Variants in CACNG4 observed in about 807,000 individuals in gnomAD.
CACNG4 encodes the protein calcium voltage-gated channel auxiliary subunit gamma 4.
A neutral mutation model predicts 22.9 loss-of-function variants in CACNG4; 8 were observed. The observed-to-expected ratio is 0.35, with a 90% CI of 0.21 to 0.63. CACNG4 has a LOEUF of 0.63. Ranked by LOEUF, CACNG4 falls within the 30% of genes least tolerant of loss-of-function variation. The pLI is 0.72. For missense variants in CACNG4, 357 were observed against 455.4 expected (o/e 0.78, Z 1.97); for synonymous variants, 188 against 191.9 (o/e 0.98, Z 0.17).
At chr17:66,996,935 A>C (rs1281014869) in intron 1 of CACNG4, among the ~76,000 whole-genome samples, 1 of 152,142 alleles carries the variant, frequency 6.6e-6, no homozygotes, top group Non-Finnish European at 1.5e-5. Flanking sequence ...TAAGGGGACG[A>C]GGGCAGGACA....
intron 1 of CACNG4, among the ~76,000 whole-genome samples, chr17:67,006,782 G>C (rs577059826): frequency 6.6e-6 from 1 of 152,256 alleles, no homozygotes; most frequent in African/African-American, 2.4e-5. Context: ...AGAAAGAATG[G>C]GCAAAGGATT....
chr17:66,965,054 T>C lies in CACNG4; in HGVS notation c.143T>C (p.Met48Thr). 2 of 1,601,344 alleles carry C rather than the reference T, an allele frequency of 1.2e-6. No homozygotes were observed. Among genetic ancestry groups the C allele is most frequent in the Non-Finnish European group, 1.7e-6 (2 of 1,175,182 alleles). ...AHICNGTNLT[M>T]DDGPPPRRAR... Reference sequence around the variant, plus strand: ...ATCTGCAACGGCACCAACCTGACCATGGACGACGGGCCCCCGCCCCGCCGC... The same window carrying C: ...ATCTGCAACGGCACCAACCTGACCACGGACGACGGGCCCCCGCCCCGCCGC... Residue 48 changes from methionine to threonine, a missense_variant, in exon 1 of 4, where the codon ATG (methionine) becomes ACG (threonine). By Grantham distance (81) the Met-to-Thr change is moderately conservative. Around this residue, in one of 3 missense-constraint regions of CACNG4, gnomAD observed 114 missense variants for 161.6 expected, o/e 0.71. Transcript: ENST00000262138.
chr17:66,982,495 C>T (rs1446255484), intron 1 of CACNG4, among the ~76,000 whole-genome samples: 2 of 134,616 alleles, frequency 1.5e-5, no homozygotes, highest in African/African-American at 2.5e-5. Context: ...AGCTACAGGG[C>T]GTTGATTGGC....
At chr17:66,996,250 T>G (rs1243763366) in intron 1 of CACNG4, among the ~76,000 whole-genome samples, 1 of 134,340 alleles carries the variant, frequency 7.4e-6, no homozygotes, top group African/African-American at 3.8e-5. Flanking sequence ...GAAGGCAGAG[T>G]GGATTTTTTT....
intron 1 of CACNG4, among the ~76,000 whole-genome samples, chr17:67,003,969 G>A (rs906016104): frequency 6.6e-6 from 1 of 152,198 alleles, no homozygotes; most frequent in African/African-American, 2.4e-5. Flanking sequence ...TATCTACTAT[G>A]ATGCTCCCTC....
intron 1 of CACNG4, among the ~76,000 whole-genome samples, chr17:67,001,700 A>G (rs1786379269): frequency 1.3e-5 from 2 of 152,354 alleles, no homozygotes; most frequent in South Asian, 4.1e-4. Context: ...GGGTTCTACT[A>G]GACGACCAAG....
intron 1 of CACNG4, among the ~76,000 whole-genome samples, chr17:66,979,167 C>T (rs115975224): frequency 0.017 from 2,562 of 152,292 alleles, 37 homozygotes; most frequent in Middle Eastern, 0.058. Context: ...GCAACCCAAA[C>T]CCATTTTCCC....
intron 1 of CACNG4, among the ~76,000 whole-genome samples, chr17:67,003,660 C>T (rs913137208): frequency 3.3e-5 from 5 of 152,194 alleles, no homozygotes; most frequent in African/African-American, 1.2e-4. Context: ...TTGCCAGTAG[C>T]ACTTCGCCCT....
intron 1 of CACNG4, among the ~76,000 whole-genome samples, chr17:66,991,866 A>G (rs773573132): frequency 2.0e-4 from 30 of 151,920 alleles, no homozygotes; most frequent in Non-Finnish European, 4.0e-4. Flanking sequence ...CTGCAGGCCG[A>G]CCTCTCTTCA....
intron 3 of CACNG4, among the ~76,000 whole-genome samples, chr17:67,029,196 G>T (rs2035586055): frequency 6.6e-6 from 1 of 152,246 alleles, no homozygotes; most frequent in East Asian, 1.9e-4. Context: ...CCCAGGCATG[G>T]TGGTGCGTGC....
intron 3 of CACNG4, among the ~76,000 whole-genome samples, chr17:67,028,559 G>C (rs4790995): frequency 6.6e-6 from 1 of 151,060 alleles, no homozygotes; most frequent in South Asian, 2.1e-4. Flanking sequence ...TCTCAAAAAA[G>C]AAAAACAAAA....
At chr17:66,988,053 G>A (rs373958196) in intron 1 of CACNG4, among the ~76,000 whole-genome samples, 15 of 128,002 alleles carry the variant, frequency 1.2e-4, no homozygotes, top group Non-Finnish European at 1.4e-4. Flanking sequence ...GTGTGTGTGT[G>A]TATATATATA....
In CACNG4 at chr17:67,024,898, A is replaced by G. The variant is rs1212232030; in HGVS notation, c.343A>G (p.Thr115Ala). 1.2e-6 allele frequency: 2 copies of G among 1,600,360 alleles called. No homozygotes were observed. Among genetic ancestry groups the G allele is most frequent in the East Asian group, 4.6e-5 (2 of 43,796 alleles). Reference protein sequence around the residue: ...RASSVFPILSTILLLLGGLCI... With the variant: ...RASSVFPILSAILLLLGGLCI... The stretch of plus-strand genomic sequence containing the variant: ...CTCCAGCGTCTTCCCCATCCTCAGC[A>G]CCATCCTGCTCCTGCTGGGTGGCCT... Residue 115 changes from threonine (T) to alanine (A), a missense_variant, in exon 3 of 4, where the codon ACC becomes GCC. Around this residue, in one of 3 missense-constraint regions of CACNG4, gnomAD observed 3 missense variants for 16.3 expected, o/e 0.18. Transcript: ENST00000262138.
At chr17:66,997,361 G>A (rs2096912718) in intron 1 of CACNG4, among the ~76,000 whole-genome samples, 1 of 152,126 alleles carries the variant, frequency 6.6e-6, no homozygotes, top group African/African-American at 2.4e-5. Flanking sequence ...ACCCCCAGAG[G>A]GTGGGAGCAA....
At chr17:66,973,206 C>T (rs1407723054) in intron 1 of CACNG4, among the ~76,000 whole-genome samples, 1 of 151,312 alleles carries the variant, frequency 6.6e-6, no homozygotes, top group Non-Finnish European at 1.5e-5. Context: ...CGCCACTACA[C>T]CCCAGCCTGG....
intron 2 of CACNG4, among the ~76,000 whole-genome samples, chr17:67,023,634 C>T (rs2035545915): frequency 1.3e-5 from 2 of 148,668 alleles, no homozygotes; most frequent in African/African-American, 2.5e-5. Context: ...TGCAATGGCG[C>T]AATCTCAGCT....
chr17:67,028,722 G>A (rs2035583860), intron 3 of CACNG4, among the ~76,000 whole-genome samples: 1 of 152,200 alleles, frequency 6.6e-6, no homozygotes, highest in South Asian at 2.1e-4. Context: ...TTACAGATGA[G>A]ACTGACGCAT....
At chr17:66,976,970 C>T (rs1015153490) in intron 1 of CACNG4, among the ~76,000 whole-genome samples, 1 of 152,208 alleles carries the variant, frequency 6.6e-6, no homozygotes. Context: ...CAAGAGCCTG[C>T]TCTGTGCCTA....
chr17:67,018,853 A>T lies in CACNG4; in HGVS notation c.304+581A>T, dbSNP rs28681558. Among the ~76,000 whole-genome samples the T allele has an allele frequency of 7.5e-3, 1,134 of 152,126 alleles. 12 individuals are homozygous for T. The highest frequency in any genetic ancestry group is 0.026 in the African/African-American group (1,064 of 41,502). ...AGTCTTTTCAGCACCGCCTCTGCCCATGGGAGCCCCCACCTGCTCCTGGGT... is the reference window on the plus strand; with the variant it reads ...AGTCTTTTCAGCACCGCCTCTGCCCTTGGGAGCCCCCACCTGCTCCTGGGT... On this transcript the variant is annotated intron_variant, in intron 2 of 3. Transcript: ENST00000262138.
Sources: gnomAD v4.1 joint callset for allele counts (sites outside exome capture counted in the v4.1 genomes callset) on GRCh38, gnomAD v4.1.1 for gene constraint, gnomAD v4.1.1 regional missense constraint, MANE v1.5 for transcripts, NCBI Gene and HGNC (gene_info 2026-07-23, HGNC 2026-07-21) for gene names.